The following SYNPR variants were observed in gnomAD, a reference collection of about 807,000 sequenced individuals.
SYNPR encodes synaptoporin.
A neutral mutation model predicts 32.9 loss-of-function variants in SYNPR; 23 were observed. That is an observed-to-expected ratio of 0.70 (90% CI 0.50 to 0.99). The LOEUF (loss-of-function observed/expected upper bound fraction) is 0.99. SYNPR is among the 50% of genes least tolerant of loss of function. The pLI, the probability that SYNPR is intolerant of heterozygous loss-of-function variation, is 0.00. For missense variants in SYNPR, 318 were observed against 349.3 expected, an observed-to-expected ratio of 0.91 and a Z score of 0.71; for synonymous variants, 146 against 135.9, an observed-to-expected ratio of 1.07 and a Z score of -0.52.
intron 1 of SYNPR, among the ~76,000 whole-genome samples, chr3:63,251,223 T>G (rs886436344): frequency 6.6e-6 from 1 of 151,746 alleles, no homozygotes; most frequent in Non-Finnish European, 1.5e-5. Context: ...TTCCACACAA[T>G]AGAATATTAA....
intron 2 of SYNPR, among the ~76,000 whole-genome samples, chr3:63,287,612 C>T (rs1392626418): frequency 1.3e-5 from 2 of 152,050 alleles, no homozygotes; most frequent in African/African-American, 4.8e-5. Context: ...CACCAAAACA[C>T]CCAGGCAGTA....
intron 2 of SYNPR, among the ~76,000 whole-genome samples, chr3:63,381,722 C>G (rs2087972846): frequency 6.6e-6 from 1 of 152,088 alleles, no homozygotes; most frequent in African/African-American, 2.4e-5. Context: ...TCTGTTAAAG[C>G]CTGCCATTTT....
chr3:63,202,396 C>T, the SYNPR span, among the ~76,000 whole-genome samples: 1 of 152,224 alleles, frequency 6.6e-6, no homozygotes, highest in African/African-American at 2.4e-5. Flanking sequence ...CAGGGAAGAT[C>T]TCTCAAATGA....
intron 3 of SYNPR, among the ~76,000 whole-genome samples, chr3:63,527,055 A>C (rs947711534): frequency 6.6e-6 from 1 of 152,174 alleles, no homozygotes; most frequent in African/African-American, 2.4e-5. Flanking sequence ...TTCCAAGAAG[A>C]GAAATTTGAG....
At chr3:63,610,229 T>C (rs1026955052) in intron 5 of SYNPR, among the ~76,000 whole-genome samples, 2 of 152,220 alleles carry the variant, frequency 1.3e-5, no homozygotes, top group African/African-American at 2.4e-5. Context: ...TTATGGCTCT[T>C]ACAAGAAAAG....
At chr3:63,581,420 T>C (rs991222885) in intron 4 of SYNPR, among the ~76,000 whole-genome samples, 1 of 152,184 alleles carries the variant, frequency 6.6e-6, no homozygotes, top group African/African-American at 2.4e-5. Context: ...GATTGCATTG[T>C]ATAGTCATCA....
At chr3:63,598,016 A>T (rs1213513912) in intron 4 of SYNPR, among the ~76,000 whole-genome samples, 1 of 152,200 alleles carries the variant, frequency 6.6e-6, no homozygotes, top group Non-Finnish European at 1.5e-5. Context: ...ATCCATTTAC[A>T]GTGTGGATGA....
chr3:63,304,999 T>C (rs1013946227), intron 2 of SYNPR, among the ~76,000 whole-genome samples: 1 of 151,942 alleles, frequency 6.6e-6, no homozygotes, highest in Non-Finnish European at 1.5e-5. Context: ...AGCTATATAA[T>C]GTGTGCAGTT....
At chr3:63,501,271 A>G (rs539182825) in intron 3 of SYNPR, among the ~76,000 whole-genome samples, 228 of 152,152 alleles carry the variant, frequency 1.5e-3, no homozygotes, top group Non-Finnish European at 2.9e-3. Context: ...TTGATCTCAG[A>G]AGTTGGAGAC....
the SYNPR span, among the ~76,000 whole-genome samples, chr3:63,205,309 A>G: frequency 6.6e-6 from 1 of 152,192 alleles, no homozygotes; most frequent in African/African-American, 2.4e-5. Context: ...AACATTTTTG[A>G]ATATGCAAAC....
At chr3:63,269,968 T>C (rs1013738072) in intron 3 of SYNPR, among the ~76,000 whole-genome samples, 8 of 152,226 alleles carry the variant, frequency 5.3e-5, no homozygotes, top group Non-Finnish European at 4.4e-5. Flanking sequence ...GTAAGGCTTC[T>C]AAGATTAGAA....
At chr3:63,259,408 G>T (rs1269715095) in intron 2 of SYNPR, among the ~76,000 whole-genome samples, 1 of 152,094 alleles carries the variant, frequency 6.6e-6, no homozygotes, top group Non-Finnish European at 1.5e-5. Flanking sequence ...GGGATGCAAG[G>T]CTGGCTCAAC....
At chr3:63,443,309 TTTC>T (rs2107163034) in intron 2 of SYNPR, 5 of 1,489,844 alleles carry the variant, frequency 3.4e-6, no homozygotes, top group South Asian at 1.4e-5. Context: ...CTGCATTGAT[TTTC>T]TTCTTCTCCT....
At chr3:63,539,753 G>A (rs901404008) in intron 3 of SYNPR, among the ~76,000 whole-genome samples, 1 of 152,156 alleles carries the variant, frequency 6.6e-6, no homozygotes, top group South Asian at 2.1e-4. Flanking sequence ...GAGCAAGCCA[G>A]TAAAGTTTGC....
At chr3:63,245,714 T>A (rs879677037) in intron 1 of SYNPR, among the ~76,000 whole-genome samples, 40,189 of 87,932 alleles carry the variant, frequency 0.46, 6,576 homozygotes, top group Admixed American at 0.49. Context: ...AGAGAGAGTG[T>A]GTGTGTGTGT....
At chr3:63,286,921 C>T (rs894659326) in intron 2 of SYNPR, among the ~76,000 whole-genome samples, 1 of 152,096 alleles carries the variant, frequency 6.6e-6, no homozygotes, top group Non-Finnish European at 1.5e-5. Flanking sequence ...TAAAGAAATA[C>T]CTTTTTCCAA....
At chr3:63,362,824 A>G (rs2087678715) in intron 2 of SYNPR, among the ~76,000 whole-genome samples, 1 of 152,166 alleles carries the variant, frequency 6.6e-6, no homozygotes, top group Non-Finnish European at 1.5e-5. Flanking sequence ...CTACTTTCCA[A>G]AATCTGTTCC....
At chr3:63,245,175 T>C (rs2086274780) in intron 1 of SYNPR, among the ~76,000 whole-genome samples, 1 of 152,062 alleles carries the variant, frequency 6.6e-6, no homozygotes, top group African/African-American at 2.4e-5. Flanking sequence ...CAGTGTCAAA[T>C]CTCTGTTTTC....
intron 3 of SYNPR, among the ~76,000 whole-genome samples, chr3:63,528,374 T>C (rs1044749245): frequency 1.3e-5 from 2 of 152,196 alleles, no homozygotes; most frequent in Admixed American, 1.3e-4. Flanking sequence ...GGCCATGCAA[T>C]ATGCAACAAT....
Sources: allele counts gnomAD v4.1 joint callset (sites outside exome capture counted in the v4.1 genomes callset), GRCh38; gene constraint gnomAD v4.1.1; transcripts MANE v1.5; gene names NCBI Gene and HGNC (gene_info 2026-07-23, HGNC 2026-07-21).